The following CUX1 variants were observed in gnomAD, a reference collection of about 807,000 sequenced individuals.
CUX1 encodes protein CASP.
CUX1 carries 31 observed loss-of-function variants against 158.8 expected under a neutral mutation model. The ratio of observed to expected loss-of-function variants is 0.20; its 90% confidence interval spans 0.15 to 0.26. The LOEUF is 0.26. Ranked by LOEUF, CUX1 falls within the 10% of genes least tolerant of loss-of-function variation. The probability of loss-of-function intolerance (pLI) is 1.00; values close to 1 mark genes in which losing one functional copy is unlikely to be tolerated. For missense variants in CUX1, 1,589 were observed against 2,014.6 expected (o/e 0.79, Z 4.04); for synonymous variants, 879 against 862.1 (o/e 1.02, Z -0.34).
At chr7:102,100,737 C>T (rs1829681417) in intron 5 of CUX1, among the ~76,000 whole-genome samples, 1 of 151,522 alleles carries the variant, frequency 6.6e-6, no homozygotes, top group Admixed American at 6.6e-5. Context: ...GAGACCAAGT[C>T]GGGAGGATCT....
chr7:101,844,359 TC>T (rs1446854638), intron 1 of CUX1, among the ~76,000 whole-genome samples: 1 of 152,194 alleles, frequency 6.6e-6, no homozygotes, highest in East Asian at 1.9e-4. Flanking sequence ...GTGATAAACT[TC>T]CTGAGACTTT....
At chr7:101,825,844 A>G (rs1793231406) in intron 1 of CUX1, among the ~76,000 whole-genome samples, 1 of 150,008 alleles carries the variant, frequency 6.7e-6, no homozygotes, top group South Asian at 2.1e-4. Flanking sequence ...ATTGTGTGTG[A>G]GAGCCAAGTC....
rs1554528972 is a variant in CUX1 at position 102,227,449 on chromosome 7, C to T, written c.3213C>T (p.Thr1071=). The T allele has an allele frequency of 3.7e-6, 6 of 1,614,050 alleles. No homozygotes were observed. The highest frequency in any genetic ancestry group is 2.2e-5 in the South Asian group (2 of 91,074). ...MSSSESVKSL[T]ELVQQPCPPI... is the part of the protein sequence containing the mutation. ...CCAGTGAGTCGGTGAAGAGCCTGAC[C>T]GAGCTGGTCCAGCAGCCCTGTCCCC... Residue 1071 remains threonine, a synonymous_variant, in exon 21 of 24, where the codon ACC becomes ACT. Transcript: ENST00000292535.
chr7:101,967,422 G>T (rs369412005), intron 2 of CUX1, among the ~76,000 whole-genome samples: 1 of 152,150 alleles, frequency 6.6e-6, no homozygotes, highest in African/African-American at 2.4e-5. Context: ...TGGTAGCCGC[G>T]GACAATTTGG....
Position 102,111,144 on chromosome 7 carries a change from T to C in CUX1, c.531-554T>C, listed in dbSNP as rs576214138. On this transcript the variant is annotated intron_variant, in intron 6 of 23. Transcript: ENST00000292535. ...GATTAAGAGGAAGGAATGCTATTTA[T>C]TGACCAGGGAATTCACTTAGAGATC... Among the ~76,000 whole-genome samples, 5 of 152,256 alleles carry C rather than the reference T, an allele frequency of 3.3e-5. No individual in the cohort carries two copies. In the South Asian group the frequency reaches 1.0e-3, roughly 32 times the overall value.
intron 15 of CUX1, chr7:102,274,143 C>T (rs1554547014): frequency 1.6e-6 from 2 of 1,227,670 alleles, no homozygotes; most frequent in East Asian, 2.4e-5. Context: ...CCACCCACTC[C>T]TTGCCACACC....
At chr7:102,233,183 CT>C (rs781940562) in intron 21 of CUX1, among the ~76,000 whole-genome samples, 2,088 of 117,148 alleles carry the variant, frequency 0.018, 27 homozygotes, top group African/African-American at 0.051. Context: ...TTTTTTTTTC[CT>C]TTTTTTTTTT....
At chr7:101,987,137 T>G (rs1214136295) in intron 2 of CUX1, among the ~76,000 whole-genome samples, 1 of 152,124 alleles carries the variant, frequency 6.6e-6, no homozygotes. Context: ...CCTGCATGGG[T>G]AGCCCATGGG....
At chr7:102,228,138 G>T (rs1000799845) in intron 21 of CUX1, among the ~76,000 whole-genome samples, 6 of 151,590 alleles carry the variant, frequency 4.0e-5, no homozygotes, top group Non-Finnish European at 7.4e-5. Flanking sequence ...TTCAGTAGAG[G>T]TGGGGTTTCA....
chr7:102,229,611 CTTTTTTTTTTTTT>C (rs781991747), intron 21 of CUX1, among the ~76,000 whole-genome samples: 5 of 70,020 alleles, frequency 7.1e-5, no homozygotes, highest in African/African-American at 2.1e-4. Context: ...CGTGTCTGGC[CTTTTTTTTTTTTT>C]TTTTTTTTTT....
chr7:101,956,569 A>G (rs915524209), intron 2 of CUX1, among the ~76,000 whole-genome samples: 13 of 152,234 alleles, frequency 8.5e-5, no homozygotes, highest in African/African-American at 3.1e-4. Context: ...ACTGTTTTGA[A>G]AACAGTTACC....
At chr7:102,127,607 A>G (rs954461329) in intron 8 of CUX1, among the ~76,000 whole-genome samples, 1 of 151,996 alleles carries the variant, frequency 6.6e-6, no homozygotes, top group African/African-American at 2.4e-5. Context: ...CATGTTGTAA[A>G]TATTTCTTGC....
chr7:101,960,544 G>A (rs1810348238), intron 2 of CUX1: 1 of 152,232 alleles, frequency 6.6e-6, no homozygotes, highest in African/African-American at 2.4e-5. Flanking sequence ...CGGAGGCTGA[G>A]GTGGGAGAAT....
Position 102,073,165 on chromosome 7 carries a change from C to CTTTTTT in CUX1, c.268+2767_268+2772dup, listed in dbSNP as rs869202667. Among the ~76,000 whole-genome samples, 126 of 66,862 alleles carry CTTTTTT rather than the reference C, an allele frequency of 1.9e-3. 33 individuals carry two copies. Among genetic ancestry groups the CTTTTTT allele is most frequent in the African/African-American group, 7.7e-3 (120 of 15,570 alleles). 43.9% of individuals were successfully genotyped at this position (66,862 alleles called of 152,430 possible). On this transcript the variant is annotated intron_variant, in intron 4 of 23. Transcript: ENST00000292535. The stretch of plus-strand genomic sequence containing the variant: ...AAATAATATGTAATCTCTTTTCTTT[C>CTTTTTT]TTTTTTTTTTTTTTTTTTTTTTTTC...
At chr7:102,232,330 T>G (rs550575058) in intron 21 of CUX1, among the ~76,000 whole-genome samples, 5 of 152,228 alleles carry the variant, frequency 3.3e-5, no homozygotes, top group Non-Finnish European at 7.4e-5. Flanking sequence ...GGAAAAAAAT[T>G]AAAAAGACTG....
At position 102,227,611 on chromosome 7, in the gene CUX1, G is replaced by T; in HGVS notation, c.3375G>T (p.Glu1125Asp). The part of the protein sequence containing the change: ...SIQELVAMSP[E>D]LDTYGITKRV... ...AAGAATTAGTAGCCATGTCCCCGGA[G>T]CTGGACACCTACGGCATAACCAAGC... is the stretch of plus-strand genomic sequence containing the variant. The change falls in exon 21 of 24, where the codon GAG becomes GAT. Residue 1125 changes from glutamate to aspartate, a missense_variant. This residue lies in a region of CUX1 where 259 missense variants were observed against 373.8 expected (regional missense o/e 0.69). Coordinates refer to ENST00000292535, the MANE Select transcript of CUX1 (RefSeq NM_181552.4). 1 of 1,614,006 alleles carries T rather than the reference G, an allele frequency of 6.2e-7. No homozygotes were observed. The highest frequency in any genetic ancestry group is 8.5e-7 in the Non-Finnish European group (1 of 1,180,038).
chr7:101,916,796 T>C lies in CUX1; in HGVS notation c.141+571T>C, dbSNP rs1031265679. ...AATGTGCTTTTTATATACTCCTGTTTTTTCTCTCGTGAGTGTGCAATCGGG... is the reference window on the plus strand; with the variant it reads ...AATGTGCTTTTTATATACTCCTGTTCTTTCTCTCGTGAGTGTGCAATCGGG... On this transcript the variant is annotated intron_variant, in intron 2 of 23. Transcript: ENST00000292535. This position sits in a 1 kb window ranked among gnomAD's most constrained non-coding sequence, Gnocchi z 4.4. Among the ~76,000 whole-genome samples the C allele has an allele frequency of 1.3e-5, 2 of 152,158 alleles. No homozygotes were observed. The highest frequency in any genetic ancestry group is 2.9e-5 in the Non-Finnish European group (2 of 68,026).
chr7:102,046,248 T>C (rs1305289490), intron 3 of CUX1, among the ~76,000 whole-genome samples: 2 of 152,210 alleles, frequency 1.3e-5, no homozygotes, highest in Admixed American at 1.3e-4. Context: ...CTTCCCGTTT[T>C]TGGAGATGGA....
chr7:102,177,924 A>T (rs1554512473), intron 10 of CUX1, among the ~76,000 whole-genome samples: 2 of 152,004 alleles, frequency 1.3e-5, no homozygotes, highest in African/African-American at 4.8e-5. Context: ...ACAGAGTCTC[A>T]TTCCTTTGCC....
Sources: gnomAD v4.1 joint callset for allele counts (sites outside exome capture counted in the v4.1 genomes callset) on GRCh38, gnomAD v4.1.1 for gene constraint, gnomAD v4.1.1 regional missense constraint, Gnocchi (gnomAD v3.1) non-coding constraint, MANE v1.5 for transcripts, NCBI Gene and HGNC (gene_info 2026-07-23, HGNC 2026-07-21) for gene names.